Variants in CTNNA3 observed in about 807,000 individuals in gnomAD.
CTNNA3 encodes the protein catenin alpha-3.
A neutral mutation model predicts 95.7 loss-of-function variants in CTNNA3; 76 were observed. The ratio of observed to expected loss-of-function variants is 0.79; its 90% CI spans 0.66 to 0.96. The LOEUF is 0.96. Ranked by LOEUF, CTNNA3 falls within the 40% of genes least tolerant of loss-of-function variation. The pLI, the probability that CTNNA3 is intolerant of heterozygous loss-of-function variation, is 0.00. For missense variants in CTNNA3, 1,191 were observed against 1,089.8 expected (o/e 1.09, Z -1.31); for synonymous variants, 431 against 374.4 (o/e 1.15, Z -1.74).
chr10:66,530,808 TGGA>T (rs917770660), intron 10 of CTNNA3, among the ~76,000 whole-genome samples: 2 of 152,132 alleles, frequency 1.3e-5, no homozygotes, highest in African/African-American at 4.8e-5. Flanking sequence ...TCATTTGCCT[TGGA>T]TAAACGTATA....
intron 10 of CTNNA3, among the ~76,000 whole-genome samples, chr10:66,546,810 G>T (rs1477071264): frequency 6.6e-6 from 1 of 152,116 alleles, no homozygotes; most frequent in Admixed American, 6.5e-5. Context: ...AATTCAACAT[G>T]AGATTTTGGG....
intron 5 of CTNNA3, among the ~76,000 whole-genome samples, chr10:67,312,026 A>C (rs940839020): frequency 6.6e-6 from 1 of 152,036 alleles, no homozygotes; most frequent in Non-Finnish European, 1.5e-5. Context: ...CTGATTTTTT[A>C]AAGTGTTAAG....
At chr10:67,620,121 G>A (rs1241294456) in intron 2 of CTNNA3, among the ~76,000 whole-genome samples, 1 of 152,192 alleles carries the variant, frequency 6.6e-6, no homozygotes, top group African/African-American at 2.4e-5. Context: ...ACTGGATGGA[G>A]GATGTAGCTG....
At chr10:66,158,175 T>A (rs1015305076) in intron 13 of CTNNA3, among the ~76,000 whole-genome samples, 3 of 152,004 alleles carry the variant, frequency 2.0e-5, no homozygotes, top group African/African-American at 7.2e-5. Flanking sequence ...AATTAGGTCC[T>A]AGCTATTTAT....
chr10:66,850,495 G>C (rs1000082784), intron 7 of CTNNA3, among the ~76,000 whole-genome samples: 3 of 152,056 alleles, frequency 2.0e-5, no homozygotes, highest in African/African-American at 7.2e-5. Flanking sequence ...TATTCTATAT[G>C]CCTTAATCAT....
chr10:66,984,059 T>C (rs1227793296), intron 7 of CTNNA3, among the ~76,000 whole-genome samples: 2 of 152,176 alleles, frequency 1.3e-5, no homozygotes, highest in African/African-American at 4.8e-5. Context: ...TGAAGTCTCA[T>C]CTGTTTACAC....
At chr10:66,439,761 G>A (rs752535134) in intron 11 of CTNNA3, among the ~76,000 whole-genome samples, 1 of 151,934 alleles carries the variant, frequency 6.6e-6, no homozygotes, top group Non-Finnish European at 1.5e-5. Flanking sequence ...AACAATAAAC[G>A]AGTTCATCAA....
At chr10:66,639,392 T>C (rs1405753927) in intron 9 of CTNNA3, among the ~76,000 whole-genome samples, 1 of 152,132 alleles carries the variant, frequency 6.6e-6, no homozygotes, top group African/African-American at 2.4e-5. Context: ...GCTGATGAAG[T>C]AGAGGTTGCG....
intron 11 of CTNNA3, among the ~76,000 whole-genome samples, chr10:66,432,331 G>A (rs1021875321): frequency 5.3e-5 from 8 of 152,146 alleles, no homozygotes; most frequent in South Asian, 2.1e-4. Context: ...CTAAAACAGC[G>A]ATACGCATTT....
intron 5 of CTNNA3, among the ~76,000 whole-genome samples, chr10:67,341,557 T>A (rs1007145452): frequency 6.6e-6 from 1 of 152,200 alleles, no homozygotes; most frequent in African/African-American, 2.4e-5. Context: ...TACTACTCCA[T>A]TGTGTATATG....
intron 10 of CTNNA3, among the ~76,000 whole-genome samples, chr10:66,562,923 T>C (rs963145284): frequency 2.6e-5 from 4 of 152,124 alleles, no homozygotes; most frequent in African/African-American, 9.7e-5. Context: ...TCACTTTTAT[T>C]GCATTTCAGG....
At chr10:67,212,356 T>A (rs1239353421) in intron 6 of CTNNA3, among the ~76,000 whole-genome samples, 2 of 152,008 alleles carry the variant, frequency 1.3e-5, no homozygotes, top group Non-Finnish European at 2.9e-5. Flanking sequence ...CAGACATGTC[T>A]GTAACACTAG....
chr10:66,443,034 T>C (rs1226102134), intron 11 of CTNNA3, among the ~76,000 whole-genome samples: 1 of 152,146 alleles, frequency 6.6e-6, no homozygotes, highest in Non-Finnish European at 1.5e-5. Flanking sequence ...CAGAGGGTCC[T>C]ATGCCCACAG....
intron 9 of CTNNA3, among the ~76,000 whole-genome samples, chr10:66,679,863 C>T (rs1004227295): frequency 7.2e-5 from 11 of 152,120 alleles, no homozygotes; most frequent in African/African-American, 2.4e-4. Flanking sequence ...GTGACGAAAT[C>T]GCAAGTTACA....
chr10:67,590,780 C>T (rs1193075269), intron 3 of CTNNA3, among the ~76,000 whole-genome samples: 1 of 151,900 alleles, frequency 6.6e-6, no homozygotes, highest in African/African-American at 2.4e-5. Context: ...TTACAAATCC[C>T]TTGTTGGATT....
At chr10:66,115,330 C>A (rs548332994) in intron 13 of CTNNA3, among the ~76,000 whole-genome samples, 2 of 152,106 alleles carry the variant, frequency 1.3e-5, no homozygotes, top group African/African-American at 2.4e-5. Context: ...CTTACCAGGT[C>A]CCATGCTATT....
intron 13 of CTNNA3, among the ~76,000 whole-genome samples, chr10:66,117,904 C>A (rs564225973): frequency 6.6e-6 from 1 of 152,124 alleles, no homozygotes; most frequent in Admixed American, 6.5e-5. Flanking sequence ...AGTGTGAAGT[C>A]TGGATCATCA....
Position 67,705,991 on chromosome 10 carries a change from A to G in CTNNA3, c.-2+57443T>C, listed in dbSNP as rs547199659. On this transcript the variant is annotated intron_variant, in intron 1 of 17. Transcript: ENST00000684154. ...CTTCTGCCTTTAAGGGTGCTGCTTC[A>G]CTTTTGAAGCAGAAAGCAGGTGCTT... 3.3e-5 allele frequency among the ~76,000 whole-genome samples: 5 copies of G among 152,184 alleles called. No individual in the cohort carries two copies. In the South Asian group the frequency reaches 1.0e-3, roughly 32 times the overall value.
chr10:66,190,657 T>C (rs1258808770), intron 13 of CTNNA3, among the ~76,000 whole-genome samples: 2 of 152,152 alleles, frequency 1.3e-5, no homozygotes, highest in South Asian at 2.1e-4. Context: ...TTGTCCCTTA[T>C]GCATGTTTCG....
Sources: allele counts gnomAD v4.1 joint callset (sites outside exome capture counted in the v4.1 genomes callset), GRCh38; gene constraint gnomAD v4.1.1; transcripts MANE v1.5; gene names NCBI Gene and HGNC (gene_info 2026-07-23, HGNC 2026-07-21).